Variants in GLOD4 observed in about 807,000 individuals in gnomAD.
GLOD4 encodes the protein glyoxalase domain-containing protein 4.
In GLOD4, 44 loss-of-function variants were observed where a neutral mutation model predicts 39.1. The observed-to-expected ratio is 1.13, with a 90% CI of 0.88 to 1.45. The LOEUF (loss-of-function observed/expected upper bound fraction) is 1.45. GLOD4 is among the 40% of genes most tolerant of loss of function. The pLI, the probability that GLOD4 is intolerant of heterozygous loss-of-function variation, is 0.00. For missense variants in GLOD4, 405 were observed against 366.4 expected (o/e 1.11, Z -0.86); for synonymous variants, 145 against 135.0 (o/e 1.07, Z -0.52).
intron 1 of GLOD4, among the ~76,000 whole-genome samples, chr17:779,638 CAA>C (rs111230239): frequency 4.3e-5 from 5 of 115,094 alleles, no homozygotes; most frequent in African/African-American, 3.3e-5. Flanking sequence ...AACTCAAACT[CAA>C]AAAAAAAAAA....
At chr17:760,314 G>A in intron 8 of GLOD4, 76 bp from the exon 9 acceptor site, 1 of 748,506 alleles carries the variant, frequency 1.3e-6, no homozygotes, top group Non-Finnish European at 2.4e-6. Flanking sequence ...ATATCTCACT[G>A]TACTGACCAC....
intron 4 of GLOD4, among the ~76,000 whole-genome samples, chr17:772,423 G>C (rs1262589682): frequency 6.6e-6 from 1 of 150,848 alleles, no homozygotes; most frequent in Non-Finnish European, 1.5e-5. Context: ...CTTTAAACCT[G>C]ACACCAAAGA....
At chr17:770,986 G>T in intron 5 of GLOD4, 1 of 212,674 alleles carries the variant, frequency 4.7e-6, no homozygotes, top group Admixed American at 5.6e-5. Flanking sequence ...CCTAGGAGTA[G>T]AATTGCAGGG....
At chr17:766,231 G>A (rs1037140443) in intron 8 of GLOD4, among the ~76,000 whole-genome samples, 3 of 151,954 alleles carry the variant, frequency 2.0e-5, no homozygotes, top group Admixed American at 1.3e-4. Flanking sequence ...ATAGGAGGCG[G>A]AGGTTGCAGT....
chr17:764,718 T>C (rs968933308), intron 8 of GLOD4: 1 of 151,922 alleles, frequency 6.6e-6, no homozygotes, highest in African/African-American at 2.4e-5. Flanking sequence ...CTCAAAACCA[T>C]GTTGAGTAGG....
rs896360290 is a variant in GLOD4 at position 770,562 on chromosome 17, A to T, written c.544-55T>A. On this transcript the variant is annotated intron_variant, in intron 5 of 8. Coordinates refer to ENST00000301329, the MANE Select transcript of GLOD4 (RefSeq NM_016080.4). Reference sequence around the variant, plus strand: ...AACAGGTTATACATTCATTACACGTATGTGGTAGAAAAATTCAAATATTAT... The same window carrying T: ...AACAGGTTATACATTCATTACACGTTTGTGGTAGAAAAATTCAAATATTAT... The T allele has an allele frequency of 1.1e-5, 9 of 822,032 alleles. No homozygotes were observed. In the African/African-American group the frequency reaches 1.5e-4, roughly 14 times the overall value. 50.9% of individuals were successfully genotyped at this position (822,032 alleles called of 1,614,324 possible).
intron 6 of GLOD4, 84 bp from the exon 7 acceptor site, chr17:770,241 T>C (rs1907710049): frequency 2.5e-6 from 2 of 796,942 alleles, no homozygotes; most frequent in South Asian, 3.0e-5. Flanking sequence ...GAGTATCAGA[T>C]ACCATAAAGA....
intron 4 of GLOD4, among the ~76,000 whole-genome samples, chr17:775,081 A>C (rs140021323): frequency 7.3e-5 from 11 of 149,846 alleles, no homozygotes; most frequent in African/African-American, 2.7e-4. Context: ...AAAAACAAAT[A>C]ATTTTTAAAA....
chr17:775,140 A>G (rs2750009), intron 4 of GLOD4, among the ~76,000 whole-genome samples: 131,207 of 150,300 alleles, frequency 0.87, 57,496 homozygotes, highest in African/African-American at 0.96. Context: ...GCGTGGTGGC[A>G]GGCGCCTATA....
chr17:769,014 A>T lies in GLOD4; in HGVS notation c.831+855T>A, dbSNP rs145553905. Among the ~76,000 whole-genome samples the T allele has an allele frequency of 2.9e-3, 435 of 152,262 alleles. 3 individuals carry two copies. Among genetic ancestry groups the T allele is most frequent in the African/African-American group, 9.9e-3 (410 of 41,564 alleles). ...CTGGAGAGGAGATATGGGGTCAGTA[A>T]AAGGTTTTTAAAGGATGGGAGCTTT... On this transcript the variant is annotated intron_variant, in intron 8 of 8. Coordinates refer to ENST00000301329, the MANE Select transcript of GLOD4 (RefSeq NM_016080.4).
chr17:783,772 T>A (rs1156906767), upstream of GLOD4, among the ~76,000 whole-genome samples: 1 of 152,232 alleles, frequency 6.6e-6, no homozygotes, highest in African/African-American at 2.4e-5. Context: ...CTTAGAGTAT[T>A]TTCAATGGAA....
intron 8 of GLOD4, among the ~76,000 whole-genome samples, chr17:768,018 C>T (rs1226851): frequency 1.5e-5 from 2 of 137,308 alleles, no homozygotes; most frequent in African/African-American, 2.8e-5. Flanking sequence ...ACAGCGCGCA[C>T]TCAGATTTTT....
chr17:767,256 T>C (rs1262195446), intron 8 of GLOD4, among the ~76,000 whole-genome samples: 1 of 152,246 alleles, frequency 6.6e-6, no homozygotes, highest in East Asian at 1.9e-4. Flanking sequence ...CAACAAAGTA[T>C]TTGCAGAACG....
At chr17:783,255 G>A (rs1290439139), upstream of GLOD4, 1 of 1,613,976 alleles carries the variant, frequency 6.2e-7, no homozygotes, top group Non-Finnish European at 8.5e-7. Flanking sequence ...GCTGAAAGGT[G>A]TCAGCCTCAT....
chr17:776,848 T>G lies in GLOD4; in HGVS notation c.261+20A>C, dbSNP rs1909049376. 2 of 1,605,694 alleles carry G rather than the reference T, an allele frequency of 1.2e-6. No individual in the cohort carries two copies. Among genetic ancestry groups the G allele is most frequent in the African/African-American group, 1.3e-5 (1 of 74,722 alleles). On this transcript the variant is annotated intron_variant, in intron 3 of 8. Coordinates refer to ENST00000301329, the MANE Select transcript of GLOD4 (RefSeq NM_016080.4). ...CACCTACCCCCAGCCAAAACTCTGCTAGAAAAAAACGGTATTTACCATAAA... is the reference window on the plus strand; with the variant it reads ...CACCTACCCCCAGCCAAAACTCTGCGAGAAAAAAACGGTATTTACCATAAA...
chr17:782,025 G>A, intron 1 of GLOD4, 141 bp downstream of exon 1: 2 of 625,238 alleles, frequency 3.2e-6, no homozygotes, highest in South Asian at 2.0e-5. Context: ...CGCTCCTGAA[G>A]CTGAACACCG....
rs201266054 is a variant in GLOD4, at chr17:782,234, G to A, written c.22C>T (p.His8Tyr). MAARRAL[H>Y]FVFKVGNRFQ... ...CGGTTTCCCACTTTGAATACGAAGT[G>A]CAGAGCTCTGCGAGCAGCCATGATT... The change falls in exon 1 of 9, where the codon CAC becomes TAC. Residue 8 changes from histidine (H) to tyrosine (Y), a missense_variant. Coordinates refer to ENST00000301329, the MANE Select transcript of GLOD4 (RefSeq NM_016080.4). 2.9e-5 allele frequency: 46 copies of A among 1,613,376 alleles called. No homozygotes were observed. Among genetic ancestry groups the A allele is most frequent in the Non-Finnish European group, 3.7e-5 (44 of 1,179,780 alleles).
chr17:770,668 C>G, intron 5 of GLOD4, 161 bp from the exon 6 acceptor site: 1 of 550,560 alleles, frequency 1.8e-6, no homozygotes, highest in South Asian at 2.7e-5. Flanking sequence ...TCCTGTGTAT[C>G]CTTCTAGAAG....
rs771422790 is a variant in GLOD4, at chr17:771,468, G to A, written c.407-7C>T. ...GTTACTTTTAATACAGGATCTGTTG[G>A]GTAATAAAGCAGGAATAGACAGATC... On this transcript the variant is annotated splice_region_variant and splice_polypyrimidine_tract_variant and intron_variant, in intron 4 of 8. Coordinates refer to ENST00000301329, the MANE Select transcript of GLOD4 (RefSeq NM_016080.4). The A allele has an allele frequency of 1.3e-6, 2 of 1,534,618 alleles. No individual in the cohort carries two copies. Among genetic ancestry groups the A allele is most frequent in the East Asian group, 4.6e-5 (2 of 43,602 alleles).
Sources: allele counts gnomAD v4.1 joint callset (sites outside exome capture counted in the v4.1 genomes callset), GRCh38; gene constraint gnomAD v4.1.1; transcripts MANE v1.5; gene names NCBI Gene and HGNC (gene_info 2026-07-23, HGNC 2026-07-21).